TCF20: variants seen among roughly 807,000 people sequenced by gnomAD.
The protein encoded by TCF20 is transcription factor 20, also known as SPRE-binding protein.
A neutral mutation model predicts 148.6 loss-of-function variants in TCF20; 3 were observed. The ratio of observed to expected loss-of-function variants is 0.02; its 90% CI spans 0.01 to 0.05. The LOEUF is 0.05. Ranked by LOEUF, TCF20 falls within the 10% of genes least tolerant of loss-of-function variation. The pLI is 1.00. For synonymous variants in TCF20, 1,049 were observed against 909.5 expected (o/e 1.15, Z -2.76); for missense variants, 2,350 against 2,429.3 (o/e 0.97, Z 0.69).
At chr22:42,232,957 G>T (rs1476392392) in intron 1 of TCF20, among the ~76,000 whole-genome samples, 2 of 152,128 alleles carry the variant, frequency 1.3e-5, no homozygotes, top group Non-Finnish European at 2.9e-5. Flanking sequence ...GTCTCCCTCT[G>T]TCGTCCAGGC....
intron 1 of TCF20, among the ~76,000 whole-genome samples, chr22:42,243,893 A>C (rs1924684867): frequency 6.6e-6 from 1 of 152,188 alleles, no homozygotes; most frequent in African/African-American, 2.4e-5. Flanking sequence ...GTATGGCTAT[A>C]GGAAAGAAAA....
chr22:42,188,293 CAAAAAA>C lies in TCF20; in HGVS notation c.5656-8597_5656-8592del, dbSNP rs58945649. ...GGGCAACAAGAGTGAAACTCCGTCT[CAAAAAA>C]AAAAAAAAAAAAAAAAAAAAATCCA... On this transcript the variant is annotated intron_variant, in intron 2 of 5. Coordinates refer to ENST00000677622, the MANE Select transcript of TCF20 (RefSeq NM_001378418.1). 4.0e-3 allele frequency among the ~76,000 whole-genome samples: 198 copies of C among 49,448 alleles called. 3 individuals carry two copies. The Middle Eastern group carries it at 0.074, about 18-fold the overall frequency. 32.4% of individuals were successfully genotyped at this position (49,448 alleles called of 152,430 possible). A position where few individuals can be genotyped will look rare whatever the true frequency, so the allele number is the denominator to read the frequency against.
chr22:42,307,489 A>C (rs1194585841), intron 1 of TCF20, among the ~76,000 whole-genome samples: 1 of 152,142 alleles, frequency 6.6e-6, no homozygotes, highest in East Asian at 1.9e-4. Context: ...CTCTGCCCTC[A>C]CGGGATGTAA....
chr22:42,249,403 T>G (rs1925181192), intron 1 of TCF20, among the ~76,000 whole-genome samples: 1 of 152,250 alleles, frequency 6.6e-6, no homozygotes, highest in African/African-American at 2.4e-5. Context: ...GAACCCTGAC[T>G]AATGCAGATT....
At chr22:42,329,446 A>G (rs1159254515) in intron 1 of TCF20, among the ~76,000 whole-genome samples, 1 of 152,226 alleles carries the variant, frequency 6.6e-6, no homozygotes, top group African/African-American at 2.4e-5. Flanking sequence ...GATATTCAGG[A>G]GCAAAGTAAG....
intron 2 of TCF20, among the ~76,000 whole-genome samples, chr22:42,207,891 T>A (rs928236153): frequency 6.6e-6 from 1 of 152,134 alleles, no homozygotes; most frequent in Non-Finnish European, 1.5e-5. Context: ...CAAAGATTTT[T>A]AAAAATTATA....
At chr22:42,229,254 CA>C (rs1265281559) in intron 1 of TCF20, among the ~76,000 whole-genome samples, 1 of 152,054 alleles carries the variant, frequency 6.6e-6, no homozygotes, top group Non-Finnish European at 1.5e-5. Context: ...TATGGAATGG[CA>C]AGGTAAGCAC....
chr22:42,219,977 T>C (rs1320294903), intron 1 of TCF20, among the ~76,000 whole-genome samples: 1 of 152,198 alleles, frequency 6.6e-6, no homozygotes, highest in Non-Finnish European at 1.5e-5. Context: ...GGAGGTGTAT[T>C]AGTGAGGTCC....
intron 2 of TCF20, 130 bp from the exon 3 acceptor site, chr22:42,179,832 T>A (rs972250893): frequency 4.6e-6 from 3 of 653,320 alleles, no homozygotes; most frequent in Non-Finnish European, 8.3e-6. Flanking sequence ...GGTGGCAGGA[T>A]GAGCTGGTCA....
In TCF20 at chr22:42,297,506, G is replaced by T. The variant is rs1927257506; in HGVS notation, c.-37+45973C>A. Among the ~76,000 whole-genome samples the T allele has an allele frequency of 6.6e-6, 1 of 152,202 alleles. No individual in the cohort carries two copies. Among genetic ancestry groups the T allele is most frequent in the African/African-American group, 2.4e-5 (1 of 41,448 alleles). Reference sequence around the variant, plus strand: ...CACTGCCTCCTGAGCACCCTCCAAGGGCACAGCTGGGTGAGCCCCATGGCT... The same window carrying T: ...CACTGCCTCCTGAGCACCCTCCAAGTGCACAGCTGGGTGAGCCCCATGGCT... On this transcript the variant is annotated intron_variant, in intron 1 of 1. Coordinates refer to the TCF20 transcript ENST00000515426. The surrounding 1 kb of genome is among the most constrained non-coding windows in gnomAD (Gnocchi z 4.3).
intron 2 of TCF20, among the ~76,000 whole-genome samples, chr22:42,181,639 G>C (rs1936780220): frequency 6.9e-6 from 1 of 145,106 alleles, no homozygotes; most frequent in African/African-American, 2.6e-5. Flanking sequence ...ACGATGTCTT[G>C]CTCTGTCACC....
intron 1 of TCF20, among the ~76,000 whole-genome samples, chr22:42,320,413 G>A (rs1323179573): frequency 6.6e-6 from 1 of 152,116 alleles, no homozygotes; most frequent in East Asian, 1.9e-4. Flanking sequence ...TCACGCACAG[G>A]GGCTGGACAC....
At chr22:42,324,040 ATGG>A (rs150536662) in intron 1 of TCF20, among the ~76,000 whole-genome samples, 44 of 3,418 alleles carry the variant, frequency 0.013, no homozygotes, top group South Asian at 0.026. Flanking sequence ...GATGGAGGTT[ATGG>A]TGGTGGTGGT....
upstream of TCF20, among the ~76,000 whole-genome samples, chr22:42,284,682 C>T (rs1926991280): frequency 6.6e-6 from 1 of 152,194 alleles, no homozygotes; most frequent in Admixed American, 6.5e-5. Flanking sequence ...CACCTTTTGT[C>T]CCAAGTCCCA....
chr22:42,306,126 G>A (rs1163956866), intron 1 of TCF20, among the ~76,000 whole-genome samples: 6 of 152,216 alleles, frequency 3.9e-5, no homozygotes, highest in Non-Finnish European at 1.5e-5. Flanking sequence ...CTGCGGCCTC[G>A]CCACCCCCGC....
intron 5 of TCF20, among the ~76,000 whole-genome samples, chr22:42,164,717 G>A (rs976307166): frequency 6.6e-6 from 1 of 152,196 alleles, no homozygotes; most frequent in Non-Finnish European, 1.5e-5. Flanking sequence ...CTGCAAGCGA[G>A]GAGGGGGGCA....
intron 4 of TCF20, 95 bp downstream of exon 4, chr22:42,169,752 T>C: frequency 7.5e-7 from 1 of 1,326,224 alleles, no homozygotes; most frequent in Middle Eastern, 2.5e-4. Context: ...GGGACAGGTG[T>C]GGGTGAGGCC....
At chr22:42,177,949 C>T (rs865837519) in intron 3 of TCF20, among the ~76,000 whole-genome samples, 2 of 152,072 alleles carry the variant, frequency 1.3e-5, no homozygotes, top group African/African-American at 2.4e-5. Context: ...ACCAGAGAGA[C>T]GAAGCTGTGA....
chr22:42,208,333 T>C (rs940559643), intron 2 of TCF20, among the ~76,000 whole-genome samples: 4 of 152,038 alleles, frequency 2.6e-5, no homozygotes, highest in African/African-American at 7.2e-5. Flanking sequence ...AATAAAAGGC[T>C]AGAAGGCTGG....
Sources: allele counts gnomAD v4.1 joint callset (sites outside exome capture counted in the v4.1 genomes callset), GRCh38; gene constraint gnomAD v4.1.1; non-coding constraint Gnocchi (gnomAD v3.1); transcripts MANE v1.5; gene names NCBI Gene and HGNC (gene_info 2026-07-23, HGNC 2026-07-21).